The following NUMB variants were observed in gnomAD, a reference collection of about 807,000 sequenced individuals.
NUMB encodes NUMB endocytic adaptor protein.
Under a neutral mutation model 59.7 loss-of-function variants are expected in NUMB, and 29 were observed. That is an observed-to-expected ratio of 0.49 (90% confidence interval 0.36 to 0.66). NUMB has a LOEUF of 0.66. Ranked by LOEUF, NUMB falls within the 30% of genes least tolerant of loss-of-function variation. NUMB has a pLI of 0.00. For missense variants in NUMB, 723 were observed against 822.0 expected (o/e 0.88, Z 1.47); for synonymous variants, 288 against 288.2 (o/e 1.00, Z 0.01).
At chr14:73,359,928 C>T (rs964356457) in intron 3 of NUMB, among the ~76,000 whole-genome samples, 12 of 152,172 alleles carry the variant, frequency 7.9e-5, no homozygotes, top group African/African-American at 2.4e-4. Context: ...AAATATATCT[C>T]AAAACTATCC....
Position 73,414,724 on chromosome 14 carries a change from G to C in NUMB, c.-232-4656C>G, listed in dbSNP as rs907013102. 2.0e-5 allele frequency among the ~76,000 whole-genome samples: 3 copies of C among 152,132 alleles called. No individual in the cohort carries two copies. In the East Asian group the frequency reaches 5.8e-4, roughly 29 times the overall value. ...CCGGTTTTTCTGGGGGCGGGTGCGG[G>C]GGGGGCGGGTTTTGAGACTGAGTCT... On this transcript the variant is annotated intron_variant, in intron 1 of 12. Coordinates refer to ENST00000555238, the MANE Select transcript of NUMB (RefSeq NM_001005743.2).
chr14:73,277,694 G>A (rs937141816), intron 12 of NUMB, among the ~76,000 whole-genome samples: 2 of 151,784 alleles, frequency 1.3e-5, no homozygotes, highest in African/African-American at 4.8e-5. Flanking sequence ...CCCAAGAGCT[G>A]GAGGCTGCAG....
chr14:73,367,296 T>TATACAC (rs1406816784), intron 2 of NUMB, among the ~76,000 whole-genome samples: 5 of 121,010 alleles, frequency 4.1e-5, no homozygotes, highest in Admixed American at 9.2e-5. Flanking sequence ...TATATATATA[T>TATACAC]ACACACACAC....
intron 8 of NUMB, among the ~76,000 whole-genome samples, chr14:73,290,390 C>T (rs1889313769): frequency 6.6e-6 from 1 of 152,192 alleles, no homozygotes; most frequent in African/African-American, 2.4e-5. Flanking sequence ...GTATTCACAA[C>T]CACTTTCTCC....
At chr14:73,326,046 T>C (rs901286768) in intron 4 of NUMB, among the ~76,000 whole-genome samples, 18 of 151,818 alleles carry the variant, frequency 1.2e-4, no homozygotes, top group Admixed American at 3.9e-4. Context: ...GAGCCCTAGG[T>C]TTCTGGCTAG....
intron 6 of NUMB, among the ~76,000 whole-genome samples, chr14:73,313,084 T>C (rs905081002): frequency 2.6e-5 from 4 of 151,834 alleles, no homozygotes; most frequent in Admixed American, 2.6e-4. Flanking sequence ...CCTCCCGGGT[T>C]CAAGCAATTC....
rs904574171 is a variant in NUMB at position 73,362,492 on chromosome 14, G to C, written c.-16+4405C>G. On this transcript the variant is annotated intron_variant, in intron 3 of 12. Coordinates refer to ENST00000555238, the MANE Select transcript of NUMB (RefSeq NM_001005743.2). Reference sequence around the variant, plus strand: ...GCATCTCACTCTTGTCACCCAGGCTGGAGTACAGTGGTGTGATCATGGCTC... The same window carrying C: ...GCATCTCACTCTTGTCACCCAGGCTCGAGTACAGTGGTGTGATCATGGCTC... 4.6e-5 allele frequency among the ~76,000 whole-genome samples: 7 copies of C among 152,094 alleles called. No homozygotes were observed. In the South Asian group the frequency reaches 1.4e-3, roughly 32 times the overall value.
At chr14:73,450,697 G>A (rs1883861115) in intron 1 of NUMB, among the ~76,000 whole-genome samples, 1 of 151,852 alleles carries the variant, frequency 6.6e-6, no homozygotes, top group South Asian at 2.1e-4. Context: ...CGGAAGGCAG[G>A]ATAATCGCTT....
chr14:73,291,360 C>T (rs773321298), intron 8 of NUMB, among the ~76,000 whole-genome samples: 4 of 150,812 alleles, frequency 2.7e-5, no homozygotes, highest in African/African-American at 7.3e-5. Flanking sequence ...GGATTACAGG[C>T]GTGAGCCACC....
chr14:73,360,747 T>G (rs1301222981), intron 3 of NUMB, among the ~76,000 whole-genome samples: 1 of 152,208 alleles, frequency 6.6e-6, no homozygotes, highest in Non-Finnish European at 1.5e-5. Context: ...CACTCATTCT[T>G]CACTCTCAAC....
At chr14:73,356,673 G>A (rs1893801975) in intron 3 of NUMB, among the ~76,000 whole-genome samples, 2 of 152,098 alleles carry the variant, frequency 1.3e-5, no homozygotes, top group Non-Finnish European at 1.5e-5. Flanking sequence ...GAAAAAAAAT[G>A]TGCTACTAGG....
At position 73,443,500 on chromosome 14, in the gene NUMB, C is replaced by A. The variant is rs1883226234; in HGVS notation, c.-233+14993G>T. Among the ~76,000 whole-genome samples, 2 of 149,790 alleles carry A rather than the reference C, an allele frequency of 1.3e-5. 1 individual carries two copies. The highest frequency in any genetic ancestry group is 4.2e-4 in the South Asian group (2 of 4,780). On this transcript the variant is annotated intron_variant, in intron 1 of 12. Coordinates refer to ENST00000555238, the MANE Select transcript of NUMB (RefSeq NM_001005743.2). The stretch of plus-strand genomic sequence containing the variant: ...ATCCCAGCTAATCAGGAGGCTGAGG[C>A]AGGAAAATTGCTTGAACCTGGGAGG...
intron 9 of NUMB, 78 bp from the exon 10 acceptor site, chr14:73,284,452 G>T (rs1368144029): frequency 1.6e-6 from 2 of 1,238,134 alleles, no homozygotes; most frequent in African/African-American, 1.5e-5. Flanking sequence ...AAATTCGAAA[G>T]CCCTCTAGGT....
At chr14:73,302,394 C>T (rs1438208057) in intron 6 of NUMB, among the ~76,000 whole-genome samples, 1 of 142,714 alleles carries the variant, frequency 7.0e-6, no homozygotes, top group Non-Finnish European at 1.5e-5. Flanking sequence ...AGTTGCAATA[C>T]TTCCACATTT....
intron 5 of NUMB, among the ~76,000 whole-genome samples, chr14:73,319,889 T>C (rs1891304569): frequency 6.6e-6 from 1 of 152,130 alleles, no homozygotes; most frequent in Non-Finnish European, 1.5e-5. Context: ...CCCAGCACTT[T>C]GGGAGACTGA....
At chr14:73,429,421 T>C (rs1897729510) in intron 1 of NUMB, among the ~76,000 whole-genome samples, 1 of 152,100 alleles carries the variant, frequency 6.6e-6, no homozygotes, top group African/African-American at 2.4e-5. Context: ...TGTTCCAAAA[T>C]ACCACAAAAA....
chr14:73,298,706 T>G (rs925230336), intron 6 of NUMB: 1 of 152,210 alleles, frequency 6.6e-6, no homozygotes, highest in Non-Finnish European at 1.5e-5. Flanking sequence ...GGGAGACTTT[T>G]AGAACTACCA....
intron 5 of NUMB, among the ~76,000 whole-genome samples, chr14:73,320,549 T>C (rs1743404799): frequency 6.6e-6 from 1 of 152,252 alleles, no homozygotes; most frequent in Non-Finnish European, 1.5e-5. Flanking sequence ...TTTCTTTTAG[T>C]CATTAAAAAC....
chr14:73,358,270 T>G (rs1249541518), intron 3 of NUMB, among the ~76,000 whole-genome samples: 6 of 152,188 alleles, frequency 3.9e-5, no homozygotes, highest in Non-Finnish European at 7.4e-5. Flanking sequence ...CAGAGCTCCA[T>G]CCCAATATGT....
Sources: allele counts gnomAD v4.1 joint callset (sites outside exome capture counted in the v4.1 genomes callset), GRCh38; gene constraint gnomAD v4.1.1; transcripts MANE v1.5; gene names NCBI Gene and HGNC (gene_info 2026-07-23, HGNC 2026-07-21).